Variants in RANBP2 observed in about 807,000 individuals in gnomAD.
RANBP2 encodes E3 SUMO-protein ligase RanBP2.
A neutral mutation model predicts 303.6 loss-of-function variants in RANBP2; 57 were observed. The observed-to-expected ratio is 0.19, with a 90% CI of 0.15 to 0.23. The LOEUF is 0.23. Ranked by LOEUF, RANBP2 falls within the 10% of genes least tolerant of loss-of-function variation. The pLI is 1.00. For missense variants in RANBP2, 3,138 were observed against 3,780.8 expected, an observed-to-expected ratio of 0.83 and a Z score of 4.46; for synonymous variants, 1,167 against 1,301.5, an observed-to-expected ratio of 0.90 and a Z score of 2.23.
the RANBP2 span, among the ~76,000 whole-genome samples, chr2:109,435,811 A>T: frequency 1.3e-5 from 2 of 152,236 alleles, no homozygotes; most frequent in African/African-American, 4.8e-5. Context: ...AGCTCAACAG[A>T]TGATAGAAAA....
the RANBP2 span, among the ~76,000 whole-genome samples, chr2:109,778,420 G>T: frequency 6.7e-6 from 1 of 149,514 alleles, no homozygotes; most frequent in African/African-American, 2.5e-5. Context: ...TTGTTTCTCC[G>T]TATAAATCTT....
At chr2:109,033,994 G>T in the RANBP2 span, among the ~76,000 whole-genome samples, 1 of 150,632 alleles carries the variant, frequency 6.6e-6, no homozygotes, top group Non-Finnish European at 1.5e-5. Flanking sequence ...CAGGTGTGTT[G>T]GCTGACGCCT....
chr2:109,523,461 GACTCAGGCTGTGCACAGGTGGTC>G, the RANBP2 span, among the ~76,000 whole-genome samples: 2 of 152,178 alleles, frequency 1.3e-5, no homozygotes, highest in Non-Finnish European at 2.9e-5. Flanking sequence ...GTCCCACAGG[GACTCAGGCTGTGCACAGGTGGTC>G]ACCCAAGATG....
the RANBP2 span, among the ~76,000 whole-genome samples, chr2:109,206,490 CAAAAAAAAAAAAAAA>C: frequency 2.5e-5 from 1 of 40,756 alleles, no homozygotes; most frequent in Non-Finnish European, 4.2e-5. Flanking sequence ...GACTCCGTCT[CAAAAAAAAAAAAAAA>C]AAAAAAAAAA....
the RANBP2 span, among the ~76,000 whole-genome samples, chr2:108,943,435 A>G: frequency 1.3e-5 from 2 of 152,156 alleles, no homozygotes; most frequent in Admixed American, 6.5e-5. Context: ...AACTGCAATC[A>G]CACCGTATTC....
At chr2:109,382,099 T>C in the RANBP2 span, among the ~76,000 whole-genome samples, 1 of 152,206 alleles carries the variant, frequency 6.6e-6, no homozygotes, top group African/African-American at 2.4e-5. Flanking sequence ...GGCTGTCCTC[T>C]GTCCCATCAG....
the RANBP2 span, among the ~76,000 whole-genome samples, chr2:109,505,567 C>G: frequency 3.9e-5 from 6 of 152,140 alleles, no homozygotes; most frequent in Non-Finnish European, 5.9e-5. Context: ...CATGGACAGT[C>G]ACTGGGGAGG....
At chr2:109,147,557 A>G in the RANBP2 span, among the ~76,000 whole-genome samples, 1 of 152,228 alleles carries the variant, frequency 6.6e-6, no homozygotes, top group Non-Finnish European at 1.5e-5. Context: ...AGTACCGTAA[A>G]TGGTCCAAAA....
chr2:109,515,155 A>G, the RANBP2 span, among the ~76,000 whole-genome samples: 1 of 152,190 alleles, frequency 6.6e-6, no homozygotes, highest in African/African-American at 2.4e-5. Flanking sequence ...TGGATGACCA[A>G]TGGCGGCCAG....
chr2:109,076,378 C>T, the RANBP2 span, among the ~76,000 whole-genome samples: 2 of 150,400 alleles, frequency 1.3e-5, no homozygotes, highest in Admixed American at 6.6e-5. Context: ...TTGGTCTCAC[C>T]ATGTCTATTC....
intron 15 of RANBP2, among the ~76,000 whole-genome samples, chr2:108,754,429 A>G (rs1265416409): frequency 1.3e-5 from 2 of 151,040 alleles, no homozygotes; most frequent in African/African-American, 2.5e-5. Context: ...AATTATGTTC[A>G]GTCTTCTGAG....
intron 6 of RANBP2, 82 bp downstream of exon 6, chr2:108,736,331 A>G: frequency 3.1e-6 from 5 of 1,607,330 alleles, no homozygotes; most frequent in Admixed American, 1.7e-5. Context: ...AAACTTCTTC[A>G]CTGAATCATT....
the RANBP2 span, among the ~76,000 whole-genome samples, chr2:108,879,072 C>G: frequency 1.3e-5 from 2 of 152,308 alleles, no homozygotes; most frequent in African/African-American, 2.4e-5. Flanking sequence ...ATGGACTGTT[C>G]TCTAGGAAAA....
the RANBP2 span, among the ~76,000 whole-genome samples, chr2:109,568,135 C>G: frequency 6.6e-6 from 1 of 151,950 alleles, no homozygotes; most frequent in Non-Finnish European, 1.5e-5. Flanking sequence ...GATCTTGATA[C>G]ATAAAGATTT....
intron 5 of RANBP2, 57 bp from the exon 6 acceptor site, chr2:108,736,047 A>G (rs826578): frequency 0.27 from 427,148 of 1,608,530 alleles, 66,418 homozygotes; most frequent in African/African-American, 0.71. Flanking sequence ...GCTTAAAATG[A>G]TTAATTTCTT....
the RANBP2 span, among the ~76,000 whole-genome samples, chr2:109,213,721 T>A: frequency 4.6e-5 from 7 of 152,180 alleles, no homozygotes; most frequent in Non-Finnish European, 8.8e-5. Flanking sequence ...GCCTTTATCC[T>A]TTACCTTGAG....
the RANBP2 span, among the ~76,000 whole-genome samples, chr2:108,939,680 A>G: frequency 3.9e-5 from 6 of 152,186 alleles, no homozygotes; most frequent in Non-Finnish European, 7.3e-5. Context: ...GCAATAGATG[A>G]ATGAGTTATT....
chr2:109,627,821 G>A, the RANBP2 span, among the ~76,000 whole-genome samples: 2 of 152,180 alleles, frequency 1.3e-5, no homozygotes, highest in Non-Finnish European at 1.5e-5. Flanking sequence ...GTTGCTTATA[G>A]TTGTAAATAG....
At chr2:109,392,031 A>G in the RANBP2 span, among the ~76,000 whole-genome samples, 83,762 of 151,754 alleles carry the variant, frequency 0.55, 23,996 homozygotes, top group African/African-American at 0.7. Flanking sequence ...ACCCAGGCTG[A>G]TCTCGAACTC....
Sources: gnomAD v4.1 joint callset for allele counts (sites outside exome capture counted in the v4.1 genomes callset) on GRCh38, gnomAD v4.1.1 for gene constraint, MANE v1.5 for transcripts, NCBI Gene and HGNC (gene_info 2026-07-23, HGNC 2026-07-21) for gene names.